Variants in SLC9A9 observed in about 807,000 individuals in gnomAD.
The protein encoded by SLC9A9 is solute carrier family 9 member A9.
A neutral mutation model predicts 77.8 loss-of-function variants in SLC9A9; 62 were observed. That is an observed-to-expected ratio of 0.80 (90% CI 0.65 to 0.98). The LOEUF is 0.98. SLC9A9 is among the 50% of genes least tolerant of loss of function. The pLI is 0.00. For missense variants in SLC9A9, 775 were observed against 774.9 expected (o/e 1.00, Z 0.00); for synonymous variants, 320 against 283.5 (o/e 1.13, Z -1.29).
intron 12 of SLC9A9, among the ~76,000 whole-genome samples, chr3:143,428,334 A>G (rs1054602942): frequency 2.0e-5 from 3 of 152,070 alleles, no homozygotes; most frequent in Non-Finnish European, 2.9e-5. Flanking sequence ...AAAATACTGA[A>G]CATGCCTAAT....
intron 2 of SLC9A9, among the ~76,000 whole-genome samples, chr3:143,821,108 A>T (rs2108880950): frequency 6.6e-6 from 1 of 152,288 alleles, no homozygotes; most frequent in East Asian, 1.9e-4. Context: ...GTGTGCTGAA[A>T]TCAGCAGAAA....
chr3:143,495,708 C>G (rs558108107), intron 9 of SLC9A9, among the ~76,000 whole-genome samples: 2 of 152,246 alleles, frequency 1.3e-5, no homozygotes, highest in South Asian at 4.1e-4. Context: ...CCAGCATGAT[C>G]CTTCCATGGA....
At chr3:143,400,042 TAAG>T (rs2108511345) in intron 12 of SLC9A9, among the ~76,000 whole-genome samples, 1 of 152,316 alleles carries the variant, frequency 6.6e-6, no homozygotes, top group Non-Finnish European at 1.5e-5. Context: ...TATGTACATC[TAAG>T]AAGAAAAACG....
intron 12 of SLC9A9, among the ~76,000 whole-genome samples, chr3:143,401,535 C>T (rs1348181784): frequency 6.6e-6 from 1 of 152,146 alleles, no homozygotes; most frequent in Non-Finnish European, 1.5e-5. Context: ...AAACTGGAAA[C>T]TAAGTTTTCA....
At chr3:143,823,992 T>C (rs2009237719) in intron 2 of SLC9A9, among the ~76,000 whole-genome samples, 2 of 152,122 alleles carry the variant, frequency 1.3e-5, no homozygotes, top group South Asian at 4.1e-4. Context: ...AATAAAAAGG[T>C]ATATGGATAT....
At chr3:143,435,958 AT>A (rs1296133561) in intron 12 of SLC9A9, among the ~76,000 whole-genome samples, 2 of 152,196 alleles carry the variant, frequency 1.3e-5, no homozygotes, top group Non-Finnish European at 2.9e-5. Flanking sequence ...AGGAGAAATC[AT>A]GTAGAAAGGA....
chr3:143,490,678 T>C (rs2035727523), intron 11 of SLC9A9, among the ~76,000 whole-genome samples: 1 of 152,134 alleles, frequency 6.6e-6, no homozygotes, highest in South Asian at 2.1e-4. Flanking sequence ...TGTTATTGTA[T>C]TTTACAACAA....
chr3:143,642,167 T>C (rs1195831554), intron 6 of SLC9A9, among the ~76,000 whole-genome samples: 1 of 152,252 alleles, frequency 6.6e-6, no homozygotes, highest in Non-Finnish European at 1.5e-5. Context: ...TTTCCTGCAA[T>C]ACTTTGAACC....
At chr3:143,516,298 T>A (rs1451085767) in intron 9 of SLC9A9, among the ~76,000 whole-genome samples, 1 of 152,106 alleles carries the variant, frequency 6.6e-6, no homozygotes, top group Non-Finnish European at 1.5e-5. Context: ...GAAACACTTT[T>A]GACTTGGTTA....
chr3:143,580,883 C>T (rs925478987), intron 6 of SLC9A9, among the ~76,000 whole-genome samples: 1 of 152,148 alleles, frequency 6.6e-6, no homozygotes, highest in African/African-American at 2.4e-5. Flanking sequence ...GCACTAGGTG[C>T]CTGCCATGTG....
intron 13 of SLC9A9, 104 bp from the exon 14 acceptor site, chr3:143,363,667 CCTTT>C (rs1351982588): frequency 9.3e-6 from 10 of 1,070,284 alleles, no homozygotes; most frequent in African/African-American, 3.2e-5. Flanking sequence ...TTAAAAAAAA[CCTTT>C]CTAAGTATAG....
intron 4 of SLC9A9, among the ~76,000 whole-genome samples, chr3:143,754,287 C>T (rs1317530542): frequency 1.3e-5 from 2 of 152,138 alleles, no homozygotes; most frequent in Non-Finnish European, 2.9e-5. Context: ...TATGGTAACC[C>T]CAGGGTCAGG....
At chr3:143,334,881 T>A (rs1014145704) in intron 14 of SLC9A9, among the ~76,000 whole-genome samples, 2 of 152,004 alleles carry the variant, frequency 1.3e-5, no homozygotes, top group African/African-American at 4.8e-5. Flanking sequence ...AAGTAACACA[T>A]TTTAAGAAAC....
At chr3:143,566,307 G>A (rs1053315763) in intron 8 of SLC9A9, among the ~76,000 whole-genome samples, 9 of 152,118 alleles carry the variant, frequency 5.9e-5, no homozygotes, top group Non-Finnish European at 1.3e-4. Flanking sequence ...CTTGTGATTT[G>A]AGGCCAATAG....
chr3:143,822,465 G>C (rs80099341), intron 2 of SLC9A9, among the ~76,000 whole-genome samples: 4 of 152,310 alleles, frequency 2.6e-5, no homozygotes, highest in Non-Finnish European at 4.4e-5. Flanking sequence ...GGGAGCAGCT[G>C]GGAGACTCCA....
rs186689979 is a variant in SLC9A9, at chr3:143,812,924, G to C, written c.379-16021C>G. ...GTGATGGTATTTTATTAAAGCATTT[G>C]GCATATGTTGTGATTTGTGTTGTAT... On this transcript the variant is annotated intron_variant, in intron 2 of 15. Coordinates refer to ENST00000316549, the MANE Select transcript of SLC9A9 (RefSeq NM_173653.4). Among the ~76,000 whole-genome samples the C allele has an allele frequency of 2.6e-5, 4 of 152,254 alleles. No individual in the cohort carries two copies. In the East Asian group the frequency reaches 7.7e-4, roughly 29 times the overall value.
intron 4 of SLC9A9, among the ~76,000 whole-genome samples, chr3:143,744,467 C>A (rs1001014124): frequency 6.6e-6 from 1 of 152,170 alleles, no homozygotes; most frequent in Admixed American, 6.5e-5. Context: ...TGCAGGTGTC[C>A]TTAACTCAAA....
Position 143,717,854 on chromosome 3 carries a change from C to CA in SLC9A9, c.534-24548dup, listed in dbSNP as rs140022048. Among the ~76,000 whole-genome samples the CA allele has an allele frequency of 8.3e-3, 1,266 of 152,070 alleles. 17 individuals are homozygous for CA. Among genetic ancestry groups the CA allele is most frequent in the African/African-American group, 0.029 (1,218 of 41,474 alleles). On this transcript the variant is annotated intron_variant, in intron 4 of 15. Coordinates refer to ENST00000316549, the MANE Select transcript of SLC9A9 (RefSeq NM_173653.4). ...GAGGATAGAAACAAGTCCATACACACAAAAAATCACATTTTCTGTTGCAAA... is the reference window on the plus strand; with the variant it reads ...GAGGATAGAAACAAGTCCATACACACAAAAAAATCACATTTTCTGTTGCAAA...
chr3:143,302,750 C>T (rs950936372), intron 14 of SLC9A9, among the ~76,000 whole-genome samples: 6 of 152,142 alleles, frequency 3.9e-5, no homozygotes, highest in African/African-American at 1.4e-4. Context: ...CTGCGTTTGA[C>T]GAGGAGTGAC....
Sources: gnomAD v4.1 joint callset for allele counts (sites outside exome capture counted in the v4.1 genomes callset) on GRCh38, gnomAD v4.1.1 for gene constraint, MANE v1.5 for transcripts, NCBI Gene and HGNC (gene_info 2026-07-23, HGNC 2026-07-21) for gene names.